Variants in PRMT3 observed in about 807,000 individuals in gnomAD.
PRMT3 encodes the protein protein arginine methyltransferase 3, also known as protein arginine N-methyltransferase 3.
Under a neutral mutation model 71.9 loss-of-function variants are expected in PRMT3, and 62 were observed. The observed-to-expected ratio is 0.86, with a 90% CI of 0.70 to 1.07. PRMT3 has a LOEUF of 1.07. Among genes scored for constraint, PRMT3 ranks in the 50% least tolerant of loss-of-function variants. The pLI is 0.00. For synonymous variants in PRMT3, 213 were observed against 220.4 expected, an observed-to-expected ratio of 0.97 and a Z score of 0.30; for missense variants, 663 against 643.0, an observed-to-expected ratio of 1.03 and a Z score of -0.34.
At chr11:20,455,542 T>C (rs1207369735) in intron 11 of PRMT3, among the ~76,000 whole-genome samples, 1 of 152,108 alleles carries the variant, frequency 6.6e-6, no homozygotes. Context: ...ATATAAATTA[T>C]ACTTCAGAAA....
intron 11 of PRMT3, among the ~76,000 whole-genome samples, chr11:20,457,668 T>C (rs552142242): frequency 6.6e-6 from 1 of 152,308 alleles, no homozygotes; most frequent in South Asian, 2.1e-4. Context: ...AGTTATGAAA[T>C]GAATTTAAGC....
intron 15 of PRMT3, among the ~76,000 whole-genome samples, chr11:20,497,055 T>C (rs983512081): frequency 5.3e-5 from 8 of 152,204 alleles, no homozygotes; most frequent in Non-Finnish European, 8.8e-5. Flanking sequence ...TGCTTTTTTT[T>C]CTTCATTGTA....
rs369285892 is a variant in PRMT3, at chr11:20,468,821, C to T, written c.1347+4275C>T. On this transcript the variant is annotated intron_variant, in intron 13 of 15. Transcript: ENST00000331079. ...ATAGACTGATAATGCTTTTAGATAG[C>T]TTCTTGAAGATTATTAGAACCTTTC... 1.6e-3 allele frequency among the ~76,000 whole-genome samples: 240 copies of T among 152,260 alleles called. No individual in the cohort carries two copies. The South Asian group carries it at 0.016, about 10-fold the overall frequency.
Position 20,404,211 on chromosome 11 carries a change from G to GTTT in PRMT3, c.771+1266_771+1268dup, listed in dbSNP as rs71063629. Among the ~76,000 whole-genome samples, 8 of 34,332 alleles carry GTTT rather than the reference G, an allele frequency of 2.3e-4. No individual in the cohort carries two copies. In the East Asian group the frequency reaches 6.3e-3, roughly 27 times the overall value. The allele number at this position is 34,332 out of a possible 152,430, so 22.5% of individuals were successfully genotyped here. A position where few individuals can be genotyped will look rare whatever the true frequency, so the allele number is the denominator to read the frequency against. On this transcript the variant is annotated intron_variant, in intron 8 of 15. Transcript: ENST00000331079. ...GTTACTATAGTGGAGACTTTTCATA[G>GTTT]TTTTTTTTTTTTTTTTTTTTTTTTT...
At position 20,509,105 on chromosome 11, in the gene PRMT3, A is replaced by T. The variant is rs186549366; in HGVS notation, c.*692A>T. The T allele has an allele frequency of 9.8e-5, 15 of 152,902 alleles. No individual in the cohort carries two copies. The highest frequency in any genetic ancestry group is 3.6e-4 in the African/African-American group (15 of 41,558). 9.5% of individuals were successfully genotyped at this position (152,902 alleles called of 1,614,324 possible). On this transcript the variant is annotated 3_prime_UTR_variant, in exon 16 of 16. Transcript: ENST00000331079. ...TATCCTAGGTTTCATGAAAGTTTTTAAAGATTGGGATAAATATGTACTTAT... is the reference window on the plus strand; with the variant it reads ...TATCCTAGGTTTCATGAAAGTTTTTTAAGATTGGGATAAATATGTACTTAT...
intron 13 of PRMT3, among the ~76,000 whole-genome samples, chr11:20,469,088 A>T (rs543884653): frequency 6.6e-6 from 1 of 152,182 alleles, no homozygotes; most frequent in Non-Finnish European, 1.5e-5. Flanking sequence ...TTACTTTAGG[A>T]TATTTTTGAC....
At chr11:20,393,123 G>A (rs2133297963) in intron 5 of PRMT3, 124 bp downstream of exon 5, 1 of 669,318 alleles carries the variant, frequency 1.5e-6, no homozygotes. Context: ...TCATCAGGTA[G>A]TTAGTTTCAG....
rs543319891 is a variant in PRMT3 at position 20,450,268 on chromosome 11, A to G, written c.994-1862A>G. Among the ~76,000 whole-genome samples the G allele has an allele frequency of 7.2e-5, 11 of 152,168 alleles. No individual in the cohort carries two copies. The East Asian group carries it at 1.9e-3, about 27-fold the overall frequency. On this transcript the variant is annotated intron_variant, in intron 10 of 15. Coordinates refer to ENST00000331079, the MANE Select transcript of PRMT3 (RefSeq NM_005788.4). ...CAGATAGGGACCATTTTTTTCACCAAATCTATTATGTTTTACCAGCCAATC... is the reference window on the plus strand; with the variant it reads ...CAGATAGGGACCATTTTTTTCACCAGATCTATTATGTTTTACCAGCCAATC...
chr11:20,506,423 T>A (rs1283333020), intron 15 of PRMT3, among the ~76,000 whole-genome samples: 2 of 151,856 alleles, frequency 1.3e-5, no homozygotes, highest in African/African-American at 2.4e-5. Context: ...TTTTGTTGAA[T>A]GGATTGCACC....
intron 9 of PRMT3, among the ~76,000 whole-genome samples, chr11:20,414,766 C>A (rs559534198): frequency 5.3e-5 from 8 of 152,132 alleles, no homozygotes; most frequent in African/African-American, 1.9e-4. Flanking sequence ...AAGATGCAAT[C>A]TTTTATATTG....
At chr11:20,443,913 A>G (rs1413596694) in intron 10 of PRMT3, among the ~76,000 whole-genome samples, 1 of 152,200 alleles carries the variant, frequency 6.6e-6, no homozygotes, top group Admixed American at 6.5e-5. Context: ...CCACAATACT[A>G]AAAAGTTGGG....
At chr11:20,408,139 CT>C in intron 9 of PRMT3, 107 bp downstream of exon 9, 2 of 770,062 alleles carry the variant, frequency 2.6e-6, no homozygotes, top group Non-Finnish European at 3.7e-6. Context: ...AGACATTTGT[CT>C]TTTAGTAAAA....
intron 11 of PRMT3, among the ~76,000 whole-genome samples, chr11:20,461,025 T>A (rs1850371316): frequency 6.6e-6 from 1 of 152,232 alleles, no homozygotes; most frequent in Admixed American, 6.5e-5. Context: ...GTCATGTTGC[T>A]ACCCTATGTA....
intron 15 of PRMT3, among the ~76,000 whole-genome samples, chr11:20,504,273 C>A (rs1235801545): frequency 6.6e-6 from 1 of 152,170 alleles, no homozygotes; most frequent in African/African-American, 2.4e-5. Context: ...GATTTAATCG[C>A]CTTGGCTCCC....
At chr11:20,420,324 G>C (rs918209760) in intron 9 of PRMT3, among the ~76,000 whole-genome samples, 1 of 152,190 alleles carries the variant, frequency 6.6e-6, no homozygotes, top group African/African-American at 2.4e-5. Flanking sequence ...TCCATTCAAT[G>C]TATCTATGTA....
chr11:20,491,874 A>G (rs915317069), intron 13 of PRMT3, among the ~76,000 whole-genome samples: 2 of 152,116 alleles, frequency 1.3e-5, no homozygotes, highest in African/African-American at 4.8e-5. Context: ...TCTCCTCTCC[A>G]TATTTGTCCC....
chr11:20,447,445 C>T (rs1850055761), intron 10 of PRMT3, among the ~76,000 whole-genome samples: 1 of 152,040 alleles, frequency 6.6e-6, no homozygotes, highest in Admixed American at 6.6e-5. Flanking sequence ...CCCAAAATGT[C>T]ATTAGTGTCA....
At chr11:20,395,490 C>T (rs113767188) in intron 5 of PRMT3, among the ~76,000 whole-genome samples, 3 of 151,746 alleles carry the variant, frequency 2.0e-5, no homozygotes, top group Non-Finnish European at 2.9e-5. Flanking sequence ...ACTAAAGGCT[C>T]GCATCACCAG....
intron 13 of PRMT3, among the ~76,000 whole-genome samples, chr11:20,471,911 C>T (rs1850655312): frequency 6.6e-6 from 1 of 150,490 alleles, no homozygotes. Context: ...TGAAGAGGTC[C>T]TTCACTTCCC....
Sources: allele counts gnomAD v4.1 joint callset (sites outside exome capture counted in the v4.1 genomes callset), GRCh38; gene constraint gnomAD v4.1.1; transcripts MANE v1.5; gene names NCBI Gene and HGNC (gene_info 2026-07-23, HGNC 2026-07-21).